The following KLHL29 variants were observed in gnomAD, a reference collection of about 807,000 sequenced individuals.
The protein encoded by KLHL29 is kelch-like protein 29.
Under a neutral mutation model 80.4 loss-of-function variants are expected in KLHL29, and 21 were observed. The observed-to-expected ratio is 0.26, with a 90% CI of 0.19 to 0.38. The LOEUF is 0.38. Among genes scored for constraint, KLHL29 ranks in the 10% least tolerant of loss-of-function variants. The pLI, the probability that KLHL29 is intolerant of heterozygous loss-of-function variation, is 1.00. For synonymous variants in KLHL29, 511 were observed against 526.8 expected (o/e 0.97, Z 0.41); for missense variants, 867 against 1,223.9 (o/e 0.71, Z 4.35).
chr2:23,700,174 C>CTATT lies in KLHL29; in HGVS notation c.2106-3010_2106-3007dup, dbSNP rs1452471329. On this transcript the variant is annotated intron_variant, in intron 11 of 13. Transcript: ENST00000486442. The surrounding 1 kb of genome is among the most constrained non-coding windows in gnomAD (Gnocchi z 4.6). ...TTTCATTATCCAGTTGGACTCCTTC[C>CTATT]TATTTTAGCATGTAAACACAATTAA... 6.6e-6 allele frequency among the ~76,000 whole-genome samples: 1 copy of CTATT among 152,316 alleles called. No homozygotes were observed. The highest frequency in any genetic ancestry group is 1.9e-4 in the East Asian group (1 of 5,186).
rs58956579 is a variant in KLHL29, at chr2:23,611,897, G to A, written c.286-27242G>A. 5.5e-3 allele frequency among the ~76,000 whole-genome samples: 723 copies of A among 131,952 alleles called. 6 individuals are homozygous for A. The highest frequency in any genetic ancestry group is 0.019 in the African/African-American group (704 of 37,334). The allele number at this position is 131,952 out of a possible 152,430, so 86.6% of individuals were successfully genotyped here. ...AACAGATGCAACCAAAAAAAAAAAA[G>A]GATTATGAACTGAAAGATTGATTAG... On this transcript the variant is annotated intron_variant, in intron 3 of 13. Transcript: ENST00000486442.
intron 1 of KLHL29, among the ~76,000 whole-genome samples, chr2:23,435,593 T>C (rs1004519349): frequency 1.3e-5 from 2 of 152,236 alleles, no homozygotes; most frequent in Non-Finnish European, 2.9e-5. Context: ...CGGTTGCACG[T>C]AAATCAATTT....
intron 2 of KLHL29, among the ~76,000 whole-genome samples, chr2:23,516,585 T>A (rs1380313230): frequency 1.3e-5 from 2 of 152,250 alleles, no homozygotes; most frequent in African/African-American, 4.8e-5. Context: ...CTCTGGGGTC[T>A]AGCCAGGTAG....
At chr2:23,516,660 T>G (rs13022418) in intron 2 of KLHL29, among the ~76,000 whole-genome samples, 2 of 152,078 alleles carry the variant, frequency 1.3e-5, no homozygotes, top group Admixed American at 1.3e-4. Flanking sequence ...ACAGCTGACT[T>G]CTTGGCAGAC....
intron 1 of KLHL29, among the ~76,000 whole-genome samples, chr2:23,471,925 G>T (rs922142067): frequency 3.3e-5 from 5 of 152,160 alleles, no homozygotes; most frequent in African/African-American, 1.2e-4. Flanking sequence ...TTGGTTTCTA[G>T]TAATTTATTT....
At chr2:23,476,453 T>C (rs1420153727) in intron 2 of KLHL29, among the ~76,000 whole-genome samples, 2 of 152,194 alleles carry the variant, frequency 1.3e-5, no homozygotes, top group African/African-American at 4.8e-5. Flanking sequence ...CCAAGCTTTT[T>C]CTTATGCACA....
intron 5 of KLHL29, among the ~76,000 whole-genome samples, chr2:23,658,739 A>G (rs931379101): frequency 6.6e-6 from 1 of 152,188 alleles, no homozygotes; most frequent in East Asian, 1.9e-4. Context: ...AGGAACTCAC[A>G]CTGACATGCT....
intron 5 of KLHL29, among the ~76,000 whole-genome samples, chr2:23,658,343 A>C (rs973784768): frequency 1.3e-5 from 2 of 152,228 alleles, no homozygotes; most frequent in East Asian, 1.9e-4. Flanking sequence ...CCCCGTCAGC[A>C]CAGGCTGCTA....
intron 5 of KLHL29, among the ~76,000 whole-genome samples, chr2:23,649,758 T>G (rs185702739): frequency 2.0e-5 from 3 of 152,222 alleles, no homozygotes; most frequent in African/African-American, 7.2e-5. Flanking sequence ...GAGCCAAGGG[T>G]GGGAACATTT....
chr2:23,543,399 T>C (rs111528951), intron 2 of KLHL29, among the ~76,000 whole-genome samples: 4,214 of 151,718 alleles, frequency 0.028, 69 homozygotes, highest in African/African-American at 0.042. Context: ...TGCGGGAGGG[T>C]TAAATGTAAA....
At chr2:23,488,968 C>T (rs1216948567) in intron 2 of KLHL29, among the ~76,000 whole-genome samples, 2 of 152,190 alleles carry the variant, frequency 1.3e-5, no homozygotes, top group African/African-American at 2.4e-5. Context: ...GGGATGCTCT[C>T]GCTTCTGGGG....
At chr2:23,706,029 G>A (rs1030558840) in intron 13 of KLHL29, among the ~76,000 whole-genome samples, 3 of 152,196 alleles carry the variant, frequency 2.0e-5, no homozygotes, top group Non-Finnish European at 4.4e-5. Context: ...CTTGGCAGGT[G>A]GAGCTCCCAG....
intron 2 of KLHL29, among the ~76,000 whole-genome samples, chr2:23,548,241 G>A (rs982006607): frequency 6.6e-6 from 1 of 152,024 alleles, no homozygotes; most frequent in Non-Finnish European, 1.5e-5. Context: ...GCCCAGCTTG[G>A]GGACCCTGTG....
At chr2:23,471,094 C>T (rs191058516) in intron 1 of KLHL29, among the ~76,000 whole-genome samples, 42 of 152,266 alleles carry the variant, frequency 2.8e-4, no homozygotes, top group African/African-American at 9.6e-4. Context: ...GCTCGGGAGC[C>T]GGTTTCCTCC....
At chr2:23,522,325 T>G (rs1240358274) in intron 2 of KLHL29, among the ~76,000 whole-genome samples, 1 of 152,074 alleles carries the variant, frequency 6.6e-6, no homozygotes, top group Non-Finnish European at 1.5e-5. Context: ...AATTTTTGTA[T>G]TTTTAGTAGA....
chr2:23,677,622 G>A (rs1670958906), intron 5 of KLHL29, among the ~76,000 whole-genome samples: 1 of 152,222 alleles, frequency 6.6e-6, no homozygotes, highest in Non-Finnish European at 1.5e-5. Context: ...CTTTGGAAAA[G>A]AAGTAGGGGA....
intron 5 of KLHL29, among the ~76,000 whole-genome samples, chr2:23,676,485 G>T (rs1044774073): frequency 2.6e-5 from 4 of 152,202 alleles, no homozygotes; most frequent in Non-Finnish European, 5.9e-5. Context: ...CCTGGCCGAG[G>T]ATGGGATTTT....
At chr2:23,540,231 C>A (rs963945307) in intron 2 of KLHL29, among the ~76,000 whole-genome samples, 1 of 152,218 alleles carries the variant, frequency 6.6e-6, no homozygotes, top group Non-Finnish European at 1.5e-5. Flanking sequence ...CTTCCTCTGC[C>A]GGGGCCGTGG....
At chr2:23,542,611 G>A (rs187400467) in intron 2 of KLHL29, among the ~76,000 whole-genome samples, 6 of 152,350 alleles carry the variant, frequency 3.9e-5, no homozygotes, top group African/African-American at 1.4e-4. Flanking sequence ...GAAGGGGACA[G>A]TCTCCAGGGA....
Sources: allele counts gnomAD v4.1 joint callset (sites outside exome capture counted in the v4.1 genomes callset), GRCh38; gene constraint gnomAD v4.1.1; non-coding constraint Gnocchi (gnomAD v3.1); transcripts MANE v1.5; gene names NCBI Gene and HGNC (gene_info 2026-07-23, HGNC 2026-07-21).